TVP23B: variants seen among roughly 807,000 people sequenced by gnomAD.
The protein encoded by TVP23B is Golgi apparatus membrane protein TVP23 homolog B.
In TVP23B, 10 loss-of-function variants were observed where a neutral mutation model predicts 30.6. The observed-to-expected ratio is 0.33, with a 90% CI of 0.20 to 0.55. The LOEUF (loss-of-function observed/expected upper bound fraction) is 0.55. Ranked by LOEUF, TVP23B falls within the 20% of genes least tolerant of loss-of-function variation. TVP23B has a pLI of 0.91. For missense variants in TVP23B, 153 were observed against 243.2 expected (o/e 0.63, Z 2.47); for synonymous variants, 67 against 83.1 (o/e 0.81, Z 1.06).
In TVP23B at chr17:18,806,164, G is replaced by A; in HGVS notation, c.*597G>A. ...ACTTTATAAAATTTTATTTTTGTTT[G>A]TAAGAAGTCATCTATTTAAGGCCCA... On this transcript the variant is annotated 3_prime_UTR_variant, in exon 7 of 7. Transcript: ENST00000307767. 1 of 884,938 alleles carries A rather than the reference G, an allele frequency of 1.1e-6. No homozygotes were observed. The highest frequency in any genetic ancestry group is 1.4e-6 in the Non-Finnish European group (1 of 738,204). The allele number at this position is 884,938 out of a possible 1,614,324, so 54.8% of individuals were successfully genotyped here. A position where few individuals can be genotyped will look rare whatever the true frequency, so the allele number is the denominator to read the frequency against.
intron 2 of TVP23B, among the ~76,000 whole-genome samples, chr17:18,789,903 T>C (rs2035965444): frequency 6.6e-6 from 1 of 152,184 alleles, no homozygotes; most frequent in Non-Finnish European, 1.5e-5. Flanking sequence ...AGACCACATA[T>C]TGTATGATTT....
chr17:18,792,923 A>G (rs1357523023), intron 3 of TVP23B, among the ~76,000 whole-genome samples: 1 of 152,202 alleles, frequency 6.6e-6, no homozygotes, highest in African/African-American at 2.4e-5. Context: ...AAAACAAAAA[A>G]TCAATCTTCA....
intron 5 of TVP23B, among the ~76,000 whole-genome samples, chr17:18,803,256 A>G (rs1317038275): frequency 6.6e-6 from 1 of 152,130 alleles, no homozygotes; most frequent in Non-Finnish European, 1.5e-5. Context: ...TGTTTTTGTA[A>G]GTTTTTATTG....
chr17:18,797,965 A>G (rs908749109), intron 4 of TVP23B, among the ~76,000 whole-genome samples: 3 of 150,822 alleles, frequency 2.0e-5, no homozygotes, highest in Non-Finnish European at 1.5e-5. Context: ...TGCCTTTGTT[A>G]GTGTCTCCAT....
At chr17:18,793,610 A>AT (rs1414698166) in intron 3 of TVP23B, among the ~76,000 whole-genome samples, 18 of 151,670 alleles carry the variant, frequency 1.2e-4, no homozygotes, top group South Asian at 6.2e-4. Flanking sequence ...AAAAAAAAAA[A>AT]AATAATGGCA....
chr17:18,792,533 A>G (rs1171621596), intron 3 of TVP23B, among the ~76,000 whole-genome samples: 1 of 152,166 alleles, frequency 6.6e-6, no homozygotes, highest in East Asian at 1.9e-4. Flanking sequence ...TACTGCTCAC[A>G]GTTTTGATAC....
chr17:18,798,342 AC>A, intron 4 of TVP23B, among the ~76,000 whole-genome samples: 1 of 151,070 alleles, frequency 6.6e-6, no homozygotes, highest in African/African-American at 2.4e-5. Flanking sequence ...ACAACTTACC[AC>A]CCTTGTAACT....
intron 1 of TVP23B, among the ~76,000 whole-genome samples, chr17:18,784,059 G>C (rs1224857299): frequency 6.6e-6 from 1 of 152,072 alleles, no homozygotes; most frequent in Non-Finnish European, 1.5e-5. Context: ...GCAGGAGAAT[G>C]GCATAAACCT....
chr17:18,783,875 G>A (rs1215408822), intron 1 of TVP23B, among the ~76,000 whole-genome samples: 11 of 152,294 alleles, frequency 7.2e-5, no homozygotes, highest in Non-Finnish European at 1.2e-4. Context: ...GGCCGGGCGC[G>A]GTGGCTCACG....
intron 2 of TVP23B, 96 bp downstream of exon 2, chr17:18,789,531 C>G: frequency 6.6e-7 from 1 of 1,523,518 alleles, no homozygotes; most frequent in Non-Finnish European, 9.0e-7. Context: ...AGAGTTGTTT[C>G]AATGTGCTTG....
chr17:18,792,595 T>C (rs1002943007), intron 3 of TVP23B, among the ~76,000 whole-genome samples: 2 of 152,250 alleles, frequency 1.3e-5, no homozygotes, highest in African/African-American at 4.8e-5. Context: ...TAGAACATGC[T>C]TTCCAGTCAG....
chr17:18,781,305 G>C lies in TVP23B; in HGVS notation c.12G>C (p.Gln4His). MLQ[Q>H]DSNDDTEDVS... ...GGCGTAGGGCCGCCATGTTGCAGCA[G>C]GTGAGGGGCTGAGGGCTCGCTGGGA... Residue 4 changes from glutamine to histidine, a missense_variant and splice_region_variant, in exon 1 of 7, where the codon CAG becomes CAC. This residue lies in a region of TVP23B where 38 missense variants were observed against 40.9 expected (regional missense o/e 0.93). Coordinates refer to ENST00000307767, the MANE Select transcript of TVP23B (RefSeq NM_016078.6). The C allele has an allele frequency of 6.3e-7, 1 of 1,580,196 alleles. No homozygotes were observed.
intron 1 of TVP23B, among the ~76,000 whole-genome samples, chr17:18,787,411 A>AG (rs1310191453): frequency 6.7e-6 from 1 of 150,046 alleles, no homozygotes; most frequent in Non-Finnish European, 1.5e-5. Context: ...TCAAAAAAAA[A>AG]AAAAAAAACC....
At chr17:18,783,885 G>A (rs1305595014) in intron 1 of TVP23B, among the ~76,000 whole-genome samples, 6 of 152,194 alleles carry the variant, frequency 3.9e-5, no homozygotes, top group East Asian at 3.9e-4. Flanking sequence ...GGTGGCTCAC[G>A]CCTGTAATCC....
At chr17:18,788,423 TAA>T (rs926751234) in intron 1 of TVP23B, among the ~76,000 whole-genome samples, 1 of 152,004 alleles carries the variant, frequency 6.6e-6, no homozygotes, top group African/African-American at 2.4e-5. Context: ...TCAGGGTTCT[TAA>T]AAAAATCTTT....
chr17:18,796,784 C>T (rs923950063), intron 3 of TVP23B: 1 of 152,178 alleles, frequency 6.6e-6, no homozygotes, highest in African/African-American at 2.4e-5. Context: ...CACAGAACCA[C>T]TGAATCTATT....
intron 1 of TVP23B, among the ~76,000 whole-genome samples, chr17:18,786,077 C>T (rs1202210650): frequency 6.6e-6 from 1 of 152,200 alleles, no homozygotes; most frequent in African/African-American, 2.4e-5. Context: ...ACAGCCTCTT[C>T]AAATCTCTGT....
intron 5 of TVP23B, among the ~76,000 whole-genome samples, chr17:18,801,264 T>A (rs1197724631): frequency 6.6e-6 from 1 of 152,204 alleles, no homozygotes; most frequent in Non-Finnish European, 1.5e-5. Flanking sequence ...GGGGTTTTTT[T>A]CTTTTCGAGT....
At chr17:18,797,810 C>T (rs1167396665) in intron 4 of TVP23B, 142 bp downstream of exon 4, 8 of 982,636 alleles carry the variant, frequency 8.1e-6, no homozygotes, top group Non-Finnish European at 1.0e-5. Flanking sequence ...AGATGGCCTT[C>T]TAGAATTTAA....
Sources: allele counts gnomAD v4.1 joint callset (sites outside exome capture counted in the v4.1 genomes callset), GRCh38; gene constraint gnomAD v4.1.1; regional missense constraint gnomAD v4.1.1; transcripts MANE v1.5; gene names NCBI Gene and HGNC (gene_info 2026-07-23, HGNC 2026-07-21).